Variants in WASHC4 observed in about 807,000 individuals in gnomAD.
WASHC4 encodes WASH complex subunit 4.
Under a neutral mutation model 166.6 loss-of-function variants are expected in WASHC4, and 86 were observed. The observed-to-expected ratio is 0.52, with a 90% CI of 0.43 to 0.62. WASHC4 has a LOEUF of 0.62. WASHC4 is among the 20% of genes least tolerant of loss of function. WASHC4 has a pLI of 0.00. For missense variants in WASHC4, 1,262 were observed against 1,382.4 expected (o/e 0.91, Z 1.38); for synonymous variants, 446 against 451.6 (o/e 0.99, Z 0.16).
At chr12:105,139,236 T>A in intron 15 of WASHC4, among the ~76,000 whole-genome samples, 1 of 151,798 alleles carries the variant, frequency 6.6e-6, no homozygotes, top group East Asian at 1.9e-4. Context: ...AGACTTCGGG[T>A]TGTTTCCGGT....
intron 13 of WASHC4, among the ~76,000 whole-genome samples, chr12:105,131,419 C>T (rs1881809461): frequency 6.6e-6 from 1 of 152,218 alleles, no homozygotes. Flanking sequence ...TAAAGATCAT[C>T]AGTCATCTGG....
intron 6 of WASHC4, among the ~76,000 whole-genome samples, chr12:105,118,228 T>C (rs1036249408): frequency 7.9e-5 from 12 of 152,140 alleles, no homozygotes; most frequent in African/African-American, 2.9e-4. Flanking sequence ...ATGAATGAAA[T>C]GCAGTGGGAA....
intron 7 of WASHC4, among the ~76,000 whole-genome samples, chr12:105,118,806 C>T (rs1225129981): frequency 1.3e-5 from 2 of 152,138 alleles, no homozygotes; most frequent in Non-Finnish European, 2.9e-5. Context: ...AGTACATGTT[C>T]TGTGTTCTCT....
At position 105,140,886 on chromosome 12, in the gene WASHC4, T is replaced by C. The variant is rs1192997291; in HGVS notation, c.1561-13T>C. ...GCCTCAGAAACAAATAGTTTTCCTG[T>C]TTTATTTTTAAGAAAAGAGTGATTT... On this transcript the variant is annotated splice_polypyrimidine_tract_variant and intron_variant, in intron 16 of 32. Coordinates refer to ENST00000332180, the MANE Select transcript of WASHC4 (RefSeq NM_015275.3). The C allele has an allele frequency of 3.1e-6, 5 of 1,612,402 alleles. No homozygotes were observed. The highest frequency in any genetic ancestry group is 2.2e-5 in the South Asian group (2 of 91,080).
intron 25 of WASHC4, 52 bp downstream of exon 25, chr12:105,149,801 C>A: frequency 1.3e-6 from 2 of 1,509,176 alleles, no homozygotes; most frequent in Non-Finnish European, 1.8e-6. Flanking sequence ...GAGTATATGG[C>A]AAATGTGTAT....
At chr12:105,155,668 C>G (rs1337888777) in intron 26 of WASHC4, among the ~76,000 whole-genome samples, 1 of 150,906 alleles carries the variant, frequency 6.6e-6, no homozygotes, top group Non-Finnish European at 1.5e-5. Context: ...TGGTGAAACC[C>G]CATCTCTACT....
At chr12:105,151,633 C>T (rs1883784287) in intron 25 of WASHC4, among the ~76,000 whole-genome samples, 1 of 152,012 alleles carries the variant, frequency 6.6e-6, no homozygotes, top group African/African-American at 2.4e-5. Context: ...AGGTGCACAC[C>T]ACCACACCCA....
In WASHC4 at chr12:105,168,634, T is replaced by C. The variant is rs967922009; in HGVS notation, c.*1703T>C. On this transcript the variant is annotated 3_prime_UTR_variant, in exon 33 of 33. Transcript: ENST00000332180. ...ACATGTAAATTAATTATTTTATCAA[T>C]ACTAGATAGAGTTCACATGCTGACT... The C allele has an allele frequency of 5.3e-5, 8 of 152,066 alleles. No individual in the cohort carries two copies. Among genetic ancestry groups the C allele is most frequent in the Admixed American group, 4.6e-4 (7 of 15,256 alleles). The allele number at this position is 152,066 out of a possible 1,614,324, so 9.4% of individuals were successfully genotyped here.
chr12:105,160,155 A>G lies in WASHC4; in HGVS notation c.3060+7A>G. ...TATAATTGTTCCCCCTCTGGTGAGT[A>G]TTTCCAGAACCTAAAATGAATTTTT... On this transcript the variant is annotated splice_region_variant and intron_variant, in intron 29 of 32. Transcript: ENST00000332180. 6.2e-7 allele frequency: 1 copy of G among 1,610,618 alleles called. No individual in the cohort carries two copies. The highest frequency in any genetic ancestry group is 8.5e-7 in the Non-Finnish European group (1 of 1,177,064).
At chr12:105,146,896 A>C (rs1883339764) in intron 23 of WASHC4, 146 bp from the exon 24 acceptor site, 2 of 679,662 alleles carry the variant, frequency 2.9e-6, no homozygotes, top group East Asian at 5.5e-5. Context: ...TTTTCGGATT[A>C]AGGATACTCA....
chr12:105,151,253 A>T (rs1883753414), intron 25 of WASHC4, among the ~76,000 whole-genome samples: 1 of 151,916 alleles, frequency 6.6e-6, no homozygotes, highest in African/African-American at 2.4e-5. Context: ...GTTAAGTGGC[A>T]GCAGGCGCAT....
rs1220528546 is a variant in WASHC4, at chr12:105,127,179, T to C, written c.1089T>C (p.Phe363=). Residue 363 remains phenylalanine, a synonymous_variant, in exon 13 of 33, where the codon TTT becomes TTC. Transcript: ENST00000332180. ...TANIIWFPDN[F]LIQKIPAAAK... ...ATATTATTTGGTTTCCTGATAATTT[T>C]CTGATCCAGAAAATACCAGCAGCTG... 6.2e-7 allele frequency: 1 copy of C among 1,613,200 alleles called. No individual in the cohort carries two copies. The highest frequency in any genetic ancestry group is 8.5e-7 in the Non-Finnish European group (1 of 1,179,300).
chr12:105,144,930 T>A lies in WASHC4; in HGVS notation c.2334+58T>A. 7 of 1,513,746 alleles carry A rather than the reference T, an allele frequency of 4.6e-6. No individual in the cohort carries two copies. The South Asian group carries it at 7.0e-5, about 15-fold the overall frequency. The allele number at this position is 1,513,746 out of a possible 1,614,324, so 93.8% of individuals were successfully genotyped here. ...TGACTGTTGGCTGTAACAGTACTTT[T>A]TAAGGAAGTCTTTTTTCTTTTTGCT... On this transcript the variant is annotated intron_variant, in intron 22 of 32. Transcript: ENST00000332180.
chr12:105,149,384 T>C, intron 24 of WASHC4: 2 of 1,041,116 alleles, frequency 1.9e-6, no homozygotes, highest in Non-Finnish European at 2.3e-6. Context: ...TTTTCTTTTC[T>C]TTTTTCTTTT....
At chr12:105,121,457 C>T (rs1389489730) in intron 9 of WASHC4, among the ~76,000 whole-genome samples, 3 of 152,252 alleles carry the variant, frequency 2.0e-5, no homozygotes, top group Non-Finnish European at 4.4e-5. Flanking sequence ...ATTTGCCTAG[C>T]TTAGGACTCA....
intron 32 of WASHC4, among the ~76,000 whole-genome samples, chr12:105,166,423 G>A (rs1884808845): frequency 6.6e-6 from 1 of 152,102 alleles, no homozygotes; most frequent in African/African-American, 2.4e-5. Context: ...CAAATGGAAA[G>A]TTATTCATTC....
intron 25 of WASHC4, among the ~76,000 whole-genome samples, chr12:105,150,211 C>T (rs945642997): frequency 2.6e-5 from 4 of 152,218 alleles, no homozygotes; most frequent in African/African-American, 9.7e-5. Context: ...TCAGTACATA[C>T]AGATCTGCTT....
At chr12:105,154,431 C>G (rs865875264) in intron 26 of WASHC4, among the ~76,000 whole-genome samples, 9 of 152,234 alleles carry the variant, frequency 5.9e-5, no homozygotes, top group African/African-American at 2.2e-4. Flanking sequence ...AAAATGGAAG[C>G]CTTTTTGACT....
intron 10 of WASHC4, among the ~76,000 whole-genome samples, chr12:105,125,757 G>T (rs1881224671): frequency 6.6e-6 from 1 of 151,900 alleles, no homozygotes; most frequent in Admixed American, 6.6e-5. Context: ...CTTTATACAG[G>T]ATTATAGATT....
Sources: gnomAD v4.1 joint callset for allele counts (sites outside exome capture counted in the v4.1 genomes callset) on GRCh38, gnomAD v4.1.1 for gene constraint, MANE v1.5 for transcripts, NCBI Gene and HGNC (gene_info 2026-07-23, HGNC 2026-07-21) for gene names.